Variants in CSMD1 observed in about 807,000 individuals in gnomAD.
CSMD1 encodes CUB and sushi domain-containing protein 1.
CSMD1 carries 213 observed loss-of-function variants against 417.5 expected under a neutral mutation model. The observed-to-expected ratio is 0.51, with a 90% CI of 0.46 to 0.57. The LOEUF (loss-of-function observed/expected upper bound fraction) is 0.57. Ranked by LOEUF, CSMD1 falls within the 20% of genes least tolerant of loss-of-function variation. The pLI, the probability that CSMD1 is intolerant of heterozygous loss-of-function variation, is 0.00. For missense variants in CSMD1, 6,923 were observed against 4,529.7 expected, an observed-to-expected ratio of 1.53 and a Z score of -15.17; for synonymous variants, 2,862 against 1,736.8, an observed-to-expected ratio of 1.65 and a Z score of -16.11.
intron 6 of CSMD1, among the ~76,000 whole-genome samples, chr8:3,712,768 T>C (rs1005556253): frequency 2.0e-5 from 3 of 152,206 alleles, no homozygotes; most frequent in Admixed American, 2.0e-4. Context: ...TCACATTCCC[T>C]GGTGTCTGTT....
chr8:3,764,806 G>A (rs982402926), intron 5 of CSMD1, among the ~76,000 whole-genome samples: 4 of 148,774 alleles, frequency 2.7e-5, no homozygotes, highest in Non-Finnish European at 5.9e-5. Context: ...GAGTGCAGGG[G>A]CACCATCTTG....
rs531533342 is a variant in CSMD1, at chr8:3,975,711, C to T, written c.818+22192G>A. ...TGGATTTAAAAGCCATGGTTGACAA[C>T]GACTTCATTACATGCAAACTTTAAA... On this transcript the variant is annotated intron_variant, in intron 5 of 69. Transcript: ENST00000635120. Among the ~76,000 whole-genome samples the T allele has an allele frequency of 1.0e-3, 153 of 152,272 alleles. 1 individual carries two copies. Among genetic ancestry groups the T allele is most frequent in the Non-Finnish European group, 1.6e-3 (106 of 68,024 alleles).
intron 3 of CSMD1, among the ~76,000 whole-genome samples, chr8:4,358,728 C>T (rs1259290045): frequency 6.6e-6 from 1 of 152,078 alleles, no homozygotes; most frequent in East Asian, 1.9e-4. Flanking sequence ...ATTAAAATAT[C>T]TCTCAAGATA....
At chr8:3,791,859 C>A (rs1427379572) in intron 5 of CSMD1, among the ~76,000 whole-genome samples, 1 of 151,594 alleles carries the variant, frequency 6.6e-6, no homozygotes, top group Non-Finnish European at 1.5e-5. Context: ...TGTATCAAAC[C>A]CTTTGTATAG....
intron 3 of CSMD1, among the ~76,000 whole-genome samples, chr8:4,288,672 A>T (rs573554133): frequency 1.5e-4 from 23 of 152,280 alleles, no homozygotes; most frequent in African/African-American, 5.3e-4. Flanking sequence ...ATTCCTTTTC[A>T]ACATTTGTAA....
At chr8:3,430,698 T>A (rs990929980) in intron 12 of CSMD1, among the ~76,000 whole-genome samples, 1 of 152,016 alleles carries the variant, frequency 6.6e-6, no homozygotes, top group South Asian at 2.1e-4. Flanking sequence ...TCCCAGCTAC[T>A]CAGGAGGCTG....
chr8:4,817,869 GAT>G (rs1381953355), intron 1 of CSMD1, among the ~76,000 whole-genome samples: 1 of 152,148 alleles, frequency 6.6e-6, no homozygotes, highest in Non-Finnish European at 1.5e-5. Context: ...TTAATGATAT[GAT>G]AGAGTTTCAG....
intron 40 of CSMD1, among the ~76,000 whole-genome samples, chr8:3,145,056 T>TGC: frequency 6.6e-6 from 1 of 152,200 alleles, no homozygotes; most frequent in Non-Finnish European, 1.5e-5. Flanking sequence ...TGTGTGTGTG[T>TGC]GTGCATGCAT....
intron 3 of CSMD1, among the ~76,000 whole-genome samples, chr8:4,295,579 C>T (rs1797631034): frequency 7.1e-6 from 1 of 140,650 alleles, no homozygotes; most frequent in Non-Finnish European, 1.5e-5. Context: ...TTTTTAAGGG[C>T]TTATTAAGGG....
chr8:3,414,436 ATGCCATGTTG>A (rs1180585940), intron 12 of CSMD1, among the ~76,000 whole-genome samples: 1 of 152,046 alleles, frequency 6.6e-6, no homozygotes, highest in African/African-American at 2.4e-5. Flanking sequence ...ATTCCCAAAC[ATGCCATGTTG>A]TGCCTCAGTT....
At chr8:4,907,453 C>A (rs1805365600) in intron 1 of CSMD1, among the ~76,000 whole-genome samples, 1 of 152,150 alleles carries the variant, frequency 6.6e-6, no homozygotes, top group Non-Finnish European at 1.5e-5. Context: ...TAAACCTCAG[C>A]ATCTGTACCT....
chr8:3,858,017 A>C (rs983634226), intron 5 of CSMD1, among the ~76,000 whole-genome samples: 2 of 152,206 alleles, frequency 1.3e-5, no homozygotes, highest in Non-Finnish European at 2.9e-5. Flanking sequence ...TGCTCTGCAC[A>C]TGTGTTCTTG....
chr8:3,023,562 C>G (rs1683052278), intron 51 of CSMD1, among the ~76,000 whole-genome samples: 1 of 152,072 alleles, frequency 6.6e-6, no homozygotes, highest in Non-Finnish European at 1.5e-5. Context: ...GGTGACTATG[C>G]TCTCCTGTCC....
intron 8 of CSMD1, among the ~76,000 whole-genome samples, chr8:3,609,400 A>T (rs910541630): frequency 7.2e-5 from 11 of 152,358 alleles, no homozygotes; most frequent in African/African-American, 2.6e-4. Context: ...CTATGGTGAA[A>T]AATACTGTCA....
intron 3 of CSMD1, among the ~76,000 whole-genome samples, chr8:4,191,123 G>A (rs1043869899): frequency 2.0e-4 from 31 of 152,140 alleles, no homozygotes; most frequent in African/African-American, 6.5e-4. Flanking sequence ...AAGGCCAGGC[G>A]AGGTAGCTCA....
At chr8:3,299,251 A>T (rs1262804387) in intron 25 of CSMD1, among the ~76,000 whole-genome samples, 1 of 152,178 alleles carries the variant, frequency 6.6e-6, no homozygotes, top group African/African-American at 2.4e-5. Context: ...CAGGAGTTCG[A>T]GACCAGCCTG....
intron 3 of CSMD1, among the ~76,000 whole-genome samples, chr8:4,189,351 G>C (rs7000736): frequency 0.84 from 127,943 of 152,158 alleles, 53,943 homozygotes; most frequent in South Asian, 0.89. Flanking sequence ...TAGGAATAAT[G>C]ATAATAAATA....
chr8:4,389,405 C>G (rs180839503), intron 3 of CSMD1, among the ~76,000 whole-genome samples: 10 of 152,136 alleles, frequency 6.6e-5, no homozygotes, highest in Non-Finnish European at 1.5e-4. Flanking sequence ...AGAATTAGAC[C>G]ATAGAAACAT....
chr8:4,555,560 C>A (rs774266698), intron 2 of CSMD1, among the ~76,000 whole-genome samples: 2 of 152,168 alleles, frequency 1.3e-5, no homozygotes, highest in African/African-American at 4.8e-5. Flanking sequence ...TTACAATTGC[C>A]TCCAGGAAGG....
Sources: allele counts gnomAD v4.1 joint callset (sites outside exome capture counted in the v4.1 genomes callset), GRCh38; gene constraint gnomAD v4.1.1; transcripts MANE v1.5; gene names NCBI Gene and HGNC (gene_info 2026-07-23, HGNC 2026-07-21).